RABGAP1L: variants seen among roughly 807,000 people sequenced by gnomAD.
RABGAP1L encodes the protein rab GTPase-activating protein 1-like.
RABGAP1L carries 63 observed loss-of-function variants against 137.7 expected under a neutral mutation model. The observed-to-expected ratio is 0.46, with a 90% CI of 0.37 to 0.56. The LOEUF (loss-of-function observed/expected upper bound fraction) is 0.56. Among genes scored for constraint, RABGAP1L ranks in the 20% least tolerant of loss-of-function variants. The pLI is 0.00. For missense variants in RABGAP1L, 1,095 were observed against 1,244.0 expected, an observed-to-expected ratio of 0.88 and a Z score of 1.80; for synonymous variants, 431 against 433.7, an observed-to-expected ratio of 0.99 and a Z score of 0.08.
At chr1:174,922,572 C>G (rs1662006314) in intron 19 of RABGAP1L, 1 of 152,192 alleles carries the variant, frequency 6.6e-6, no homozygotes, top group Admixed American at 6.5e-5. Context: ...CATAACCTAT[C>G]AATGTATTGG....
chr1:174,339,612 A>AT lies in RABGAP1L; in HGVS notation c.1466-31355dup, dbSNP rs200221267. Reference sequence around the variant, plus strand: ...TACTGTTTGAAGGCAATTTTATCTAATTTTTTTTTTTTGAGACGGAGTCTC... The same window carrying AT: ...TACTGTTTGAAGGCAATTTTATCTAATTTTTTTTTTTTTGAGACGGAGTCTC... On this transcript the variant is annotated intron_variant, in intron 11 of 25. Transcript: ENST00000681986. Among the ~76,000 whole-genome samples, 196 of 148,374 alleles carry AT rather than the reference A, an allele frequency of 1.3e-3. 1 individual carries two copies. Among genetic ancestry groups the AT allele is most frequent in the Non-Finnish European group, 2.0e-3 (133 of 66,810 alleles).
intron 14 of RABGAP1L, among the ~76,000 whole-genome samples, chr1:174,643,137 G>A (rs984305184): frequency 2.6e-5 from 4 of 152,038 alleles, no homozygotes; most frequent in Non-Finnish European, 5.9e-5. Flanking sequence ...TCCTACTTCT[G>A]TGGAACTCCT....
At chr1:174,589,009 T>G (rs1414091101) in intron 13 of RABGAP1L, among the ~76,000 whole-genome samples, 2 of 152,206 alleles carry the variant, frequency 1.3e-5, no homozygotes, top group Non-Finnish European at 2.9e-5. Flanking sequence ...GTTTTTAATT[T>G]TTTGCAGAAC....
Position 174,991,415 on chromosome 1 carries a change from A to C in RABGAP1L, c.*1414A>C, listed in dbSNP as rs1558314187. Reference sequence around the variant, plus strand: ...ACTCTGTAGTGCCAGAATGATTCTCATCTGTGCCATATTTTGCAATTAAAA... The same window carrying C: ...ACTCTGTAGTGCCAGAATGATTCTCCTCTGTGCCATATTTTGCAATTAAAA... On this transcript the variant is annotated 3_prime_UTR_variant, in exon 26 of 26. Coordinates refer to ENST00000681986, the MANE Select transcript of RABGAP1L (RefSeq NM_001366446.1). 6.6e-6 allele frequency: 1 copy of C among 152,210 alleles called. No individual in the cohort carries two copies. Among genetic ancestry groups the C allele is most frequent in the Non-Finnish European group, 1.5e-5 (1 of 68,032 alleles). The allele number at this position is 152,210 out of a possible 1,614,324, so 9.4% of individuals were successfully genotyped here. A position where few individuals can be genotyped will look rare whatever the true frequency, so the allele number is the denominator to read the frequency against.
At chr1:174,643,913 A>AGG (rs144227616) in intron 14 of RABGAP1L, among the ~76,000 whole-genome samples, 10,732 of 140,306 alleles carry the variant, frequency 0.076, 498 homozygotes, top group East Asian at 0.21. Context: ...TCACTTATAT[A>AGG]GGGGTGTGTG....
chr1:174,967,113 C>T (rs1158892786), intron 20 of RABGAP1L, among the ~76,000 whole-genome samples: 1 of 151,100 alleles, frequency 6.6e-6, no homozygotes, highest in Non-Finnish European at 1.5e-5. Flanking sequence ...GGTTTTTTTC[C>T]CCCCTACAAG....
chr1:174,843,217 T>A (rs1238315481), intron 19 of RABGAP1L, among the ~76,000 whole-genome samples: 1 of 150,490 alleles, frequency 6.6e-6, no homozygotes, highest in Non-Finnish European at 1.5e-5. Context: ...CAAGAAAATG[T>A]CACAGTCTTT....
chr1:174,780,744 CG>C (rs1489252264), intron 18 of RABGAP1L, among the ~76,000 whole-genome samples: 1 of 136,816 alleles, frequency 7.3e-6, no homozygotes, highest in Non-Finnish European at 1.6e-5. Flanking sequence ...CAACAGTCCC[CG>C]GTGTGTGATG....
intron 17 of RABGAP1L, among the ~76,000 whole-genome samples, chr1:174,738,326 G>C (rs985366569): frequency 1.3e-5 from 2 of 152,104 alleles, no homozygotes; most frequent in African/African-American, 4.8e-5. Flanking sequence ...GAATTTCAGG[G>C]GTAGAAGCAG....
At chr1:174,755,541 T>C (rs1684678991) in intron 18 of RABGAP1L, among the ~76,000 whole-genome samples, 1 of 152,186 alleles carries the variant, frequency 6.6e-6, no homozygotes, top group Non-Finnish European at 1.5e-5. Flanking sequence ...TATTATATGC[T>C]TATTTCGTGT....
intron 1 of RABGAP1L, among the ~76,000 whole-genome samples, chr1:174,175,317 A>T (rs1665743315): frequency 6.6e-6 from 1 of 152,118 alleles, no homozygotes; most frequent in Non-Finnish European, 1.5e-5. Context: ...GGATGGCATG[A>T]AGTTGGGGTC....
At chr1:174,465,116 A>G (rs916833477) in intron 13 of RABGAP1L, among the ~76,000 whole-genome samples, 1 of 152,150 alleles carries the variant, frequency 6.6e-6, no homozygotes, top group Non-Finnish European at 1.5e-5. Context: ...GCACATGAAA[A>G]CTACTGTTAT....
chr1:174,596,686 T>A (rs1046149623), intron 13 of RABGAP1L, among the ~76,000 whole-genome samples: 15 of 152,152 alleles, frequency 9.9e-5, no homozygotes, highest in Admixed American at 9.8e-4. Flanking sequence ...CTTCTTCCAT[T>A]TCAGTTTGGA....
At chr1:174,550,931 T>C (rs1374009527) in intron 13 of RABGAP1L, among the ~76,000 whole-genome samples, 66 of 85,460 alleles carry the variant, frequency 7.7e-4, no homozygotes, top group Admixed American at 1.0e-3. Context: ...CATATATATA[T>C]ACACATATAT....
rs112708063 is a variant in RABGAP1L at position 174,266,097 on chromosome 1, A to G, written c.987-6317A>G. On this transcript the variant is annotated intron_variant, in intron 7 of 25. Transcript: ENST00000681986. ...AAGTTACTAGAGTGAAATTTTTAGG[A>G]TAAATAGCTATAGAGTACCCTCATC... Among the ~76,000 whole-genome samples the G allele has an allele frequency of 1.2e-3, 186 of 152,282 alleles. 1 individual carries two copies. The highest frequency in any genetic ancestry group is 4.3e-3 in the African/African-American group (180 of 41,554).
At chr1:174,180,216 G>T (rs1165178534) in intron 1 of RABGAP1L, among the ~76,000 whole-genome samples, 1 of 152,194 alleles carries the variant, frequency 6.6e-6, no homozygotes, top group African/African-American at 2.4e-5. Context: ...GAGTGGCAGA[G>T]AACTAGTAGT....
At chr1:174,968,456 G>A (rs895246292) in intron 20 of RABGAP1L, among the ~76,000 whole-genome samples, 1 of 150,362 alleles carries the variant, frequency 6.7e-6, no homozygotes, top group East Asian at 1.9e-4. Flanking sequence ...AGTTCATAGT[G>A]TTTAGTTAAG....
In RABGAP1L at chr1:174,787,818, G is replaced by A. The variant is rs192740000; in HGVS notation, c.2212-24014G>A. Among the ~76,000 whole-genome samples the A allele has an allele frequency of 5.3e-5, 8 of 152,174 alleles. No individual in the cohort carries two copies. The South Asian group carries it at 1.7e-3, about 32-fold the overall frequency. ...ATAGTCTGGGGGAGAAATAATGAAG[G>A]CTTCTTTAACCAAGGCTGCAACAAT... is the stretch of plus-strand genomic sequence containing the variant. On this transcript the variant is annotated intron_variant, in intron 18 of 25. Transcript: ENST00000681986.
intron 13 of RABGAP1L, among the ~76,000 whole-genome samples, chr1:174,551,025 TACAC>T (rs752146297): frequency 8.5e-6 from 1 of 117,832 alleles, no homozygotes; most frequent in African/African-American, 3.6e-5. Context: ...TATATATACA[TACAC>T]ACACACACAT....
Sources: allele counts gnomAD v4.1 joint callset (sites outside exome capture counted in the v4.1 genomes callset), GRCh38; gene constraint gnomAD v4.1.1; transcripts MANE v1.5; gene names NCBI Gene and HGNC (gene_info 2026-07-23, HGNC 2026-07-21).